The following PGPEP1 variants were observed in gnomAD, a reference collection of about 807,000 sequenced individuals.
PGPEP1 encodes pyroglutamyl-peptidase 1.
A neutral mutation model predicts 24.1 loss-of-function variants in PGPEP1; 15 were observed. The ratio of observed to expected loss-of-function variants is 0.62; its 90% CI spans 0.42 to 0.96. PGPEP1 has a LOEUF of 0.96. PGPEP1 is among the 40% of genes least tolerant of loss of function. The pLI is 0.00. For missense variants in PGPEP1, 242 were observed against 273.4 expected (o/e 0.89, Z 0.81); for synonymous variants, 122 against 116.4 (o/e 1.05, Z -0.31).
intron 2 of PGPEP1, 43 bp from the exon 3 acceptor site, chr19:18,355,852 C>A: frequency 8.2e-7 from 1 of 1,222,238 alleles, no homozygotes; most frequent in South Asian, 1.2e-5. Flanking sequence ...ATCCCCATAG[C>A]TGTCATCTGG....
chr19:18,362,768 T>C (rs1971379247), intron 4 of PGPEP1, among the ~76,000 whole-genome samples: 1 of 148,208 alleles, frequency 6.7e-6, no homozygotes, highest in South Asian at 2.1e-4. Flanking sequence ...GGTGCACACC[T>C]GTAGTCCCAG....
In PGPEP1 at chr19:18,363,642, C is replaced by CA; in HGVS notation, c.*59_*60insA. On this transcript the variant is annotated 3_prime_UTR_variant, in exon 5 of 5. Coordinates refer to ENST00000269919, the MANE Select transcript of PGPEP1 (RefSeq NM_017712.4). ...TGGGGACCCCACGAGGGGACATCCA[C>CA]CCTCTGGGGTGTGGCCAGGAAAAGA... 1 of 1,337,542 alleles carries CA rather than the reference C, an allele frequency of 7.5e-7. No individual in the cohort carries two copies. Among genetic ancestry groups the CA allele is most frequent in the South Asian group, 1.3e-5 (1 of 76,386 alleles). The allele number at this position is 1,337,542 out of a possible 1,614,324, so 82.9% of individuals were successfully genotyped here. A position where few individuals can be genotyped will look rare whatever the true frequency, so the allele number is the denominator to read the frequency against.
Position 18,363,606 on chromosome 19 carries a change from CCT to C in PGPEP1, c.*25_*26del. On this transcript the variant is annotated 3_prime_UTR_variant, in exon 5 of 5. Coordinates refer to ENST00000269919, the MANE Select transcript of PGPEP1 (RefSeq NM_017712.4). ...TGAGGGACGCTCAGGTCTCCTAAGACCTCATCCTGCTGGGGACCCCACGAGGG... is the reference window on the plus strand; with the variant it reads ...TGAGGGACGCTCAGGTCTCCTAAGACCATCCTGCTGGGGACCCCACGAGGG... 1 of 1,587,180 alleles carries C rather than the reference CCT, an allele frequency of 6.3e-7. No individual in the cohort carries two copies. The highest frequency in any genetic ancestry group is 2.3e-5 in the East Asian group (1 of 44,338).
In PGPEP1 at chr19:18,347,254, T is replaced by C. The variant is rs566859472; in HGVS notation, c.87+4343T>C. On this transcript the variant is annotated intron_variant, in intron 2 of 4. Transcript: ENST00000269919. ...GCACCACCACACCCAGCTAATTTTT[T>C]TTTCTTTCTTTCTTTCTTTTTTTTT... Among the ~76,000 whole-genome samples, 8 of 117,652 alleles carry C rather than the reference T, an allele frequency of 6.8e-5. No homozygotes were observed. In the East Asian group the frequency reaches 1.5e-3, roughly 23 times the overall value. 77.2% of individuals were successfully genotyped at this position (117,652 alleles called of 152,430 possible).
intron 2 of PGPEP1, among the ~76,000 whole-genome samples, chr19:18,350,654 G>T (rs1411391753): frequency 6.6e-6 from 1 of 152,230 alleles, no homozygotes; most frequent in African/African-American, 2.4e-5. Context: ...ATAGCGACCA[G>T]TTTCTGAGGT....
Position 18,361,721 on chromosome 19 carries a change from A to G in PGPEP1, c.438-1670A>G, listed in dbSNP as rs140669354. ...CTCTGATAAGTCAGACACGGAAACC[A>G]TGAAGCTCCTACTGACTGACACGTT... On this transcript the variant is annotated intron_variant, in intron 4 of 4. Coordinates refer to ENST00000269919, the MANE Select transcript of PGPEP1 (RefSeq NM_017712.4). 1.8e-4 allele frequency: 179 copies of G among 985,276 alleles called. 1 individual carries two copies. The African/African-American group carries it at 3.0e-3, about 16-fold the overall frequency. 61.0% of individuals were successfully genotyped at this position (985,276 alleles called of 1,614,324 possible). A position where few individuals can be genotyped will look rare whatever the true frequency, so the allele number is the denominator to read the frequency against.
intron 2 of PGPEP1, among the ~76,000 whole-genome samples, chr19:18,345,396 C>T (rs927493351): frequency 2.6e-5 from 4 of 151,822 alleles, no homozygotes; most frequent in African/African-American, 7.3e-5. Flanking sequence ...GATTGTTTCA[C>T]TTAAACAAAA....
Position 18,344,779 on chromosome 19 carries a change from A to G in PGPEP1, c.87+1868A>G, listed in dbSNP as rs148019823. Among the ~76,000 whole-genome samples, 365 of 152,236 alleles carry G rather than the reference A, an allele frequency of 2.4e-3. 3 individuals carry two copies. The highest frequency in any genetic ancestry group is 8.3e-3 in the African/African-American group (343 of 41,548). ...GTGCACATTTCAGACAGGAGCCTTC[A>G]CGGGGCTGAGTGGACACAAAGCCGG... On this transcript the variant is annotated intron_variant, in intron 2 of 4. Coordinates refer to ENST00000269919, the MANE Select transcript of PGPEP1 (RefSeq NM_017712.4).
chr19:18,361,153 A>G (rs1051938480), intron 4 of PGPEP1, among the ~76,000 whole-genome samples: 1 of 146,290 alleles, frequency 6.8e-6, no homozygotes, highest in Non-Finnish European at 1.5e-5. Context: ...CTTTTTTTTT[A>G]AAGACAAGAG....
rs1297034720 is a variant in PGPEP1, at chr19:18,364,129, TTG to T, written c.*547_*548del. The T allele has an allele frequency of 2.2e-5, 3 of 135,276 alleles. 1 individual carries two copies. In the East Asian group the frequency reaches 6.8e-4, roughly 31 times the overall value. The allele number at this position is 135,276 out of a possible 1,614,324, so 8.4% of individuals were successfully genotyped here. A position where few individuals can be genotyped will look rare whatever the true frequency, so the allele number is the denominator to read the frequency against. On this transcript the variant is annotated 3_prime_UTR_variant, in exon 5 of 5. Transcript: ENST00000269919. ...CTTTCTTTCTTGCTTTCTTTCTTTC[TTG>T]CTTTCTTTCTTCTCTCTCTCTCTTT...
chr19:18,349,531 C>T (rs1254679043), intron 2 of PGPEP1, among the ~76,000 whole-genome samples: 1 of 152,188 alleles, frequency 6.6e-6, no homozygotes, highest in Non-Finnish European at 1.5e-5. Context: ...CAAGACATCA[C>T]CTTGTGCCCA....
chr19:18,353,497 A>G (rs756149838), intron 2 of PGPEP1, among the ~76,000 whole-genome samples: 57 of 152,194 alleles, frequency 3.7e-4, no homozygotes, highest in Non-Finnish European at 7.5e-4. Context: ...GGCATGAGCC[A>G]CTGTACCTGG....
At chr19:18,350,199 A>G (rs1461384146) in intron 2 of PGPEP1, among the ~76,000 whole-genome samples, 1 of 151,794 alleles carries the variant, frequency 6.6e-6, no homozygotes, top group Non-Finnish European at 1.5e-5. Context: ...TTTTTTGTGT[A>G]TTTTTAGTAG....
At chr19:18,346,627 T>TTC (rs1462339128) in intron 2 of PGPEP1, among the ~76,000 whole-genome samples, 22 of 138,288 alleles carry the variant, frequency 1.6e-4, no homozygotes, top group East Asian at 8.7e-4. Flanking sequence ...GTGTGTCTGT[T>TTC]TCTCTCTTTT....
intron 1 of PGPEP1, 82 bp from the exon 2 acceptor site, chr19:18,342,777 C>A: frequency 1.9e-6 from 2 of 1,064,200 alleles, no homozygotes; most frequent in African/African-American, 3.1e-5. Context: ...TCTTGCTTCT[C>A]CAGGTGGGAG....
At chr19:18,362,050 G>A (rs1971359401) in intron 4 of PGPEP1, 1 of 178,456 alleles carries the variant, frequency 5.6e-6, no homozygotes, top group Non-Finnish European at 1.1e-5. Context: ...TAATACGATG[G>A]GGAGCATCCC....
chr19:18,355,504 G>A (rs149550424), intron 2 of PGPEP1, among the ~76,000 whole-genome samples: 29 of 152,054 alleles, frequency 1.9e-4, no homozygotes, highest in Admixed American at 7.2e-4. Context: ...CAGGTGATCC[G>A]CCCACCTTGG....
Position 18,340,606 on chromosome 19 carries a change from G to C in PGPEP1, c.-76G>C, listed in dbSNP as rs1970638399. On this transcript the variant is annotated 5_prime_UTR_variant, in exon 1 of 5. Transcript: ENST00000269919. Reference sequence around the variant, plus strand: ...CTTGACAGGGGCGTGGCCTCGCGCGGCCGAGAGGCTGCAGCGGCAGCAGCT... The same window carrying C: ...CTTGACAGGGGCGTGGCCTCGCGCGCCCGAGAGGCTGCAGCGGCAGCAGCT... 7.2e-7 allele frequency: 1 copy of C among 1,390,076 alleles called. No individual in the cohort carries two copies. The allele number at this position is 1,390,076 out of a possible 1,614,324, so 86.1% of individuals were successfully genotyped here. A position where few individuals can be genotyped will look rare whatever the true frequency, so the allele number is the denominator to read the frequency against.
chr19:18,344,428 A>G (rs771226412), intron 2 of PGPEP1, among the ~76,000 whole-genome samples: 1 of 152,126 alleles, frequency 6.6e-6, no homozygotes, highest in Admixed American at 6.6e-5. Context: ...ATCCTAGCCT[A>G]TGAGCTGCCT....
Sources: gnomAD v4.1 joint callset for allele counts (sites outside exome capture counted in the v4.1 genomes callset) on GRCh38, gnomAD v4.1.1 for gene constraint, MANE v1.5 for transcripts, NCBI Gene and HGNC (gene_info 2026-07-23, HGNC 2026-07-21) for gene names.